KIAA0513: variants seen among roughly 807,000 people sequenced by gnomAD.
KIAA0513 encodes KIAA0513.
In KIAA0513, 39 loss-of-function variants were observed where a neutral mutation model predicts 56.5. The observed-to-expected ratio is 0.69, with a 90% CI of 0.53 to 0.90. The LOEUF is 0.90. Among genes scored for constraint, KIAA0513 ranks in the 40% least tolerant of loss-of-function variants. KIAA0513 has a pLI of 0.00. For synonymous variants in KIAA0513, 268 were observed against 215.6 expected, an observed-to-expected ratio of 1.24 and a Z score of -2.13; for missense variants, 591 against 535.2, an observed-to-expected ratio of 1.10 and a Z score of -1.03.
chr16:85,083,146 C>T (rs1346247389), intron 10 of KIAA0513, among the ~76,000 whole-genome samples: 1 of 152,230 alleles, frequency 6.6e-6, no homozygotes, highest in African/African-American at 2.4e-5. Flanking sequence ...CACACTCCCA[C>T]TTTCCCAGCC....
rs2073691866 is a variant in KIAA0513, at chr16:85,078,437, G to A, written c.805G>A (p.Glu269Lys). The change falls in exon 7 of 13, where the codon GAG (glutamate) becomes AAG (lysine). Residue 269 changes from glutamate (E) to lysine (K), a missense_variant. By Grantham distance (56) the Glu-to-Lys change is moderately conservative. Coordinates refer to ENST00000683363, the MANE Select transcript of KIAA0513 (RefSeq NM_001388359.1). ...CAGGGAAGACGAGAACAAACCCCAG[G>A]AGAAGCGGCCCAGGGCTGGTGAGTC... ...RNEEDENKPQ[E>K]KRPRAVTAYS... The A allele has an allele frequency of 5.0e-6, 8 of 1,613,914 alleles. No homozygotes were observed. The highest frequency in any genetic ancestry group is 5.9e-6 in the Non-Finnish European group (7 of 1,180,024).
chr16:85,033,019 C>A (rs1597584932), intron 1 of KIAA0513, among the ~76,000 whole-genome samples: 1 of 152,048 alleles, frequency 6.6e-6, no homozygotes, highest in African/African-American at 2.4e-5. Flanking sequence ...GGCGGGTGTG[C>A]CTGAATTCAA....
chr16:85,035,875 G>T (rs1402869369), intron 1 of KIAA0513, among the ~76,000 whole-genome samples: 1 of 151,894 alleles, frequency 6.6e-6, no homozygotes, highest in East Asian at 1.9e-4. Context: ...AGCTACTTGG[G>T]AGGCTAGGCA....
chr16:85,086,726 TA>T lies in KIAA0513; in HGVS notation c.1091+4del. 1 of 1,610,962 alleles carries T rather than the reference TA, an allele frequency of 6.2e-7. No homozygotes were observed. The highest frequency in any genetic ancestry group is 8.5e-7 in the Non-Finnish European group (1 of 1,178,988). ...GAACATCACCTTCGGGCAGCTGGGG[TA>T]AGGGCCAGAGTGGGAAAGCGGGAGG... is the stretch of plus-strand genomic sequence containing the variant. On this transcript the variant is annotated splice_donor_region_variant and intron_variant, in intron 11 of 12. Transcript: ENST00000683363.
At chr16:85,031,629 G>A (rs960515760) in intron 1 of KIAA0513, among the ~76,000 whole-genome samples, 2 of 152,092 alleles carry the variant, frequency 1.3e-5, no homozygotes, top group South Asian at 2.1e-4. Flanking sequence ...CATTCACCAC[G>A]GTCCTGCCTT....
intron 11 of KIAA0513, 117 bp downstream of exon 11, chr16:85,086,841 CAT>C: frequency 1.0e-6 from 1 of 997,948 alleles, no homozygotes; most frequent in African/African-American, 1.6e-5. Flanking sequence ...GCATGGGGTT[CAT>C]CACACTTGGC....
intron 1 of KIAA0513, among the ~76,000 whole-genome samples, chr16:85,035,151 T>C (rs796950517): frequency 1.4e-4 from 22 of 152,350 alleles, no homozygotes; most frequent in African/African-American, 4.3e-4. Flanking sequence ...TCTCCGAGCA[T>C]GGCCATGGTG....
At position 85,078,545 on chromosome 16, in the gene KIAA0513, G is replaced by A. The variant is rs949409473; in HGVS notation, c.823+90G>A. 4.7e-6 allele frequency: 6 copies of A among 1,284,554 alleles called. 1 individual carries two copies. The highest frequency in any genetic ancestry group is 4.1e-4 in the Middle Eastern group (2 of 4,884). The allele number at this position is 1,284,554 out of a possible 1,614,324, so 79.6% of individuals were successfully genotyped here. ...GGTGCACGGCCTCTGGGGCTTTCCT[G>A]CCTCCACGGAGCATGGGCACCTTGC... On this transcript the variant is annotated intron_variant, in intron 7 of 12. Transcript: ENST00000683363.
chr16:85,079,188 C>T lies in KIAA0513; in HGVS notation c.902+185C>T, dbSNP rs923499478. The T allele has an allele frequency of 3.1e-6, 4 of 1,284,886 alleles. No homozygotes were observed. In the African/African-American group the frequency reaches 4.5e-5, roughly 14 times the overall value. The allele number at this position is 1,284,886 out of a possible 1,614,324, so 79.6% of individuals were successfully genotyped here. ...GAGGATGTGGAGAAACTGGAGCTCTCCTGTATGGCTAGGAGCAATGTAAAT... is the reference window on the plus strand; with the variant it reads ...GAGGATGTGGAGAAACTGGAGCTCTTCTGTATGGCTAGGAGCAATGTAAAT... On this transcript the variant is annotated intron_variant, in intron 8 of 12. Coordinates refer to ENST00000683363, the MANE Select transcript of KIAA0513 (RefSeq NM_001388359.1).
Position 85,088,337 on chromosome 16 carries a change from C to T in KIAA0513, c.*12C>T, listed in dbSNP as rs545110917. On this transcript the variant is annotated 3_prime_UTR_variant, in exon 13 of 13. Coordinates refer to ENST00000683363, the MANE Select transcript of KIAA0513 (RefSeq NM_001388359.1). The stretch of plus-strand genomic sequence containing the variant: ...TGGCCACTGAGTAGGCCCCAGAGGT[C>T]GCACTCCGCAGGAGGACTGAGGCCA... The T allele has an allele frequency of 1.2e-5, 19 of 1,607,400 alleles. No homozygotes were observed. Among genetic ancestry groups the T allele is most frequent in the African/African-American group, 8.0e-5 (6 of 75,038 alleles).
intron 1 of KIAA0513, among the ~76,000 whole-genome samples, chr16:85,060,442 G>A (rs899685967): frequency 6.6e-6 from 1 of 152,226 alleles, no homozygotes; most frequent in African/African-American, 2.4e-5. Context: ...TGTGCACAGT[G>A]CACCTGCCCT....
At chr16:85,080,357 T>C (rs1202864933) in intron 8 of KIAA0513, among the ~76,000 whole-genome samples, 2 of 152,240 alleles carry the variant, frequency 1.3e-5, no homozygotes, top group African/African-American at 4.8e-5. Flanking sequence ...CACACCACTA[T>C]GCTGTTGTAG....
chr16:85,053,260 C>T (rs2073280131), intron 1 of KIAA0513, among the ~76,000 whole-genome samples: 2 of 152,208 alleles, frequency 1.3e-5, no homozygotes, highest in African/African-American at 4.8e-5. Context: ...GTTGTTTCTA[C>T]ATCATGCCTG....
At chr16:85,046,777 T>C (rs1268032540) in intron 1 of KIAA0513, among the ~76,000 whole-genome samples, 1 of 152,222 alleles carries the variant, frequency 6.6e-6, no homozygotes. Context: ...GTTCGAAGTT[T>C]TCCATTTGGT....
At chr16:85,030,290 C>T (rs191701283) in intron 1 of KIAA0513, among the ~76,000 whole-genome samples, 33 of 152,282 alleles carry the variant, frequency 2.2e-4, no homozygotes, top group African/African-American at 6.0e-4. Flanking sequence ...CAAGAGAGCA[C>T]GCAGTTCTCC....
intron 1 of KIAA0513, among the ~76,000 whole-genome samples, chr16:85,037,201 C>T (rs2073046972): frequency 6.6e-6 from 1 of 151,994 alleles, no homozygotes; most frequent in South Asian, 2.1e-4. Flanking sequence ...TTTTCCTGGC[C>T]TTTACATCAC....
chr16:85,058,562 G>C (rs2143963534), intron 1 of KIAA0513, among the ~76,000 whole-genome samples: 1 of 151,528 alleles, frequency 6.6e-6, no homozygotes, highest in Middle Eastern at 3.4e-3. Context: ...TGAGGCAGGA[G>C]AATCGCATGA....
chr16:85,044,430 G>A (rs1160193528), intron 1 of KIAA0513, among the ~76,000 whole-genome samples: 3 of 152,158 alleles, frequency 2.0e-5, no homozygotes, highest in African/African-American at 4.8e-5. Flanking sequence ...CTTGGGGTTC[G>A]AAGTGAGGTC....
In KIAA0513 at chr16:85,067,343, A is replaced by G. The variant is rs756797021; in HGVS notation, c.272A>G (p.Glu91Gly). The stretch of plus-strand genomic sequence containing the variant: ...AGCACCGAGTCTACCCAGGATGAAG[A>G]GACCCTGGCACTCAGGGACTTCATG... ...NQSTESTQDE[E>G]TLALRDFMRG... The change falls in exon 2 of 13, where the codon GAG (glutamate) becomes GGG (glycine). Residue 91 changes from glutamate (E) to glycine (G), a missense_variant. Transcript: ENST00000683363. 1 of 1,610,618 alleles carries G rather than the reference A, an allele frequency of 6.2e-7. No homozygotes were observed. Among genetic ancestry groups the G allele is most frequent in the Non-Finnish European group, 8.5e-7 (1 of 1,180,018 alleles).
Sources: allele counts gnomAD v4.1 joint callset (sites outside exome capture counted in the v4.1 genomes callset), GRCh38; gene constraint gnomAD v4.1.1; transcripts MANE v1.5; gene names NCBI Gene and HGNC (gene_info 2026-07-23, HGNC 2026-07-21).